TNFRSF21: variants seen among roughly 807,000 people sequenced by gnomAD.
TNFRSF21 encodes the protein TNF receptor superfamily member 21.
A neutral mutation model predicts 45.6 loss-of-function variants in TNFRSF21; 19 were observed. The observed-to-expected ratio is 0.42, with a 90% confidence interval of 0.29 to 0.61. The LOEUF (loss-of-function observed/expected upper bound fraction) is 0.61. Among genes scored for constraint, TNFRSF21 ranks in the 20% least tolerant of loss-of-function variants. TNFRSF21 has a pLI of 0.23. For missense variants in TNFRSF21, 737 were observed against 851.5 expected, an observed-to-expected ratio of 0.87 and a Z score of 1.67; for synonymous variants, 314 against 335.5, an observed-to-expected ratio of 0.94 and a Z score of 0.70.
At chr6:47,270,070 C>T (rs750977973) in intron 3 of TNFRSF21, among the ~76,000 whole-genome samples, 8 of 152,198 alleles carry the variant, frequency 5.3e-5, no homozygotes, top group Non-Finnish European at 1.2e-4. Flanking sequence ...GTGGTAAACA[C>T]ATAACTTAAG....
At chr6:47,296,321 T>G (rs1335775581) in intron 1 of TNFRSF21, among the ~76,000 whole-genome samples, 3 of 152,114 alleles carry the variant, frequency 2.0e-5, no homozygotes, top group Admixed American at 6.5e-5. Flanking sequence ...GTCTATAGTG[T>G]GCCGAGCAGC....
chr6:47,257,750 A>T (rs1765008785), intron 3 of TNFRSF21, among the ~76,000 whole-genome samples: 2 of 152,156 alleles, frequency 1.3e-5, no homozygotes, highest in African/African-American at 4.8e-5. Flanking sequence ...TTTGAGATTT[A>T]TTTTACTATT....
intron 4 of TNFRSF21, among the ~76,000 whole-genome samples, chr6:47,250,380 G>C (rs1215720920): frequency 6.6e-6 from 1 of 152,186 alleles, no homozygotes; most frequent in Non-Finnish European, 1.5e-5. Context: ...GTTCAGTTTA[G>C]ATATTGAACT....
chr6:47,240,146 T>G (rs1379285313), intron 4 of TNFRSF21, among the ~76,000 whole-genome samples: 1 of 152,124 alleles, frequency 6.6e-6, no homozygotes, highest in African/African-American at 2.4e-5. Context: ...AGGCCCCTTT[T>G]CCCTAATATA....
chr6:47,278,584 T>C (rs1762528591), intron 3 of TNFRSF21, among the ~76,000 whole-genome samples: 1 of 152,162 alleles, frequency 6.6e-6, no homozygotes, highest in African/African-American at 2.4e-5. Flanking sequence ...TCAAGCCCTA[T>C]TCCAGGCACA....
intron 1 of TNFRSF21, among the ~76,000 whole-genome samples, chr6:47,291,168 C>G (rs1762718883): frequency 6.6e-6 from 1 of 152,162 alleles, no homozygotes; most frequent in Non-Finnish European, 1.5e-5. Flanking sequence ...AAGTGTGAAG[C>G]AGAAGGAAGC....
At chr6:47,295,620 T>G (rs1320176586) in intron 1 of TNFRSF21, among the ~76,000 whole-genome samples, 1 of 152,198 alleles carries the variant, frequency 6.6e-6, no homozygotes, top group Non-Finnish European at 1.5e-5. Context: ...ATCATTTTAT[T>G]TTGAGCATCA....
rs1171947053 is a variant in TNFRSF21 at position 47,253,307 on chromosome 6, C to T, written c.1458G>A (p.Arg486=). The change falls in exon 4 of 6, where the codon CGG becomes CGA. Residue 486 remains arginine (R), a synonymous_variant. Coordinates refer to ENST00000296861, the MANE Select transcript of TNFRSF21 (RefSeq NM_014452.5). ...GAATCTTCTCCACAACATCGTTTCTCCGGTGCTGGCGCAGGGCGCTAATTA... is the reference window on the plus strand; with the variant it reads ...GAATCTTCTCCACAACATCGTTTCTTCGGTGCTGGCGCAGGGCGCTAATTA... ...AQLISALRQH[R]RNDVVEKIRG... The T allele has an allele frequency of 1.2e-6, 2 of 1,613,808 alleles. No individual in the cohort carries two copies. The highest frequency in any genetic ancestry group is 2.2e-5 in the East Asian group (1 of 44,862).
At chr6:47,294,188 G>A (rs1762765703) in intron 1 of TNFRSF21, among the ~76,000 whole-genome samples, 1 of 152,188 alleles carries the variant, frequency 6.6e-6, no homozygotes, top group African/African-American at 2.4e-5. Context: ...TCTGTCGCCA[G>A]GCTGGGGTGC....
At chr6:47,286,932 T>A (rs1012866619) in intron 1 of TNFRSF21, among the ~76,000 whole-genome samples, 5 of 152,190 alleles carry the variant, frequency 3.3e-5, no homozygotes, top group Non-Finnish European at 7.3e-5. Context: ...GTGAAAACAC[T>A]TTGTAGCTGA....
At chr6:47,301,850 C>G (rs2281444) in intron 1 of TNFRSF21, among the ~76,000 whole-genome samples, 20,703 of 152,162 alleles carry the variant, frequency 0.14, 1,594 homozygotes, top group Non-Finnish European at 0.17. Flanking sequence ...ATGACCCAGT[C>G]TTGGGTATTC....
intron 4 of TNFRSF21, among the ~76,000 whole-genome samples, chr6:47,242,161 A>C (rs1439226399): frequency 6.6e-6 from 1 of 152,072 alleles, no homozygotes; most frequent in Non-Finnish European, 1.5e-5. Flanking sequence ...AAACTCACCC[A>C]CCATCAGGGG....
At chr6:47,238,963 T>C (rs1374921880) in intron 4 of TNFRSF21, among the ~76,000 whole-genome samples, 1 of 152,150 alleles carries the variant, frequency 6.6e-6, no homozygotes, top group Non-Finnish European at 1.5e-5. Flanking sequence ...AAAACTGAAG[T>C]ACCCACTCTG....
intron 3 of TNFRSF21, among the ~76,000 whole-genome samples, chr6:47,263,898 G>C (rs1011195440): frequency 6.6e-6 from 1 of 152,108 alleles, no homozygotes; most frequent in Non-Finnish European, 1.5e-5. Context: ...TAGTTAAGAG[G>C]TTTTTTATAC....
intron 4 of TNFRSF21, 125 bp downstream of exon 4, chr6:47,253,113 TGTGTGTGCAGGCGTATGC>T: frequency 1.0e-6 from 1 of 984,022 alleles, no homozygotes; most frequent in Non-Finnish European, 1.5e-6. Context: ...GGTGTGTGTG[TGTGTGTGCAGGCGTATGC>T]GTGTGTGTGT....
At chr6:47,265,247 A>T (rs1762315779) in intron 3 of TNFRSF21, among the ~76,000 whole-genome samples, 1 of 152,214 alleles carries the variant, frequency 6.6e-6, no homozygotes, top group African/African-American at 2.4e-5. Flanking sequence ...TTTATGAACA[A>T]GTAGGATATC....
intron 3 of TNFRSF21, among the ~76,000 whole-genome samples, chr6:47,282,327 T>A (rs1420340209): frequency 6.8e-6 from 1 of 147,096 alleles, no homozygotes; most frequent in Non-Finnish European, 1.5e-5. Flanking sequence ...GAAGTTGTGG[T>A]GAGCTGAGAT....
At chr6:47,296,911 T>C (rs1021171665) in intron 1 of TNFRSF21, among the ~76,000 whole-genome samples, 3 of 152,218 alleles carry the variant, frequency 2.0e-5, no homozygotes, top group Admixed American at 2.0e-4. Flanking sequence ...AGTGTTTCCC[T>C]GAGTTCTGTG....
intron 4 of TNFRSF21, among the ~76,000 whole-genome samples, chr6:47,250,733 C>T (rs1764890157): frequency 6.6e-6 from 1 of 152,250 alleles, no homozygotes; most frequent in Non-Finnish European, 1.5e-5. Context: ...AATAAGGAGT[C>T]TCAATTAAGC....
Sources: allele counts gnomAD v4.1 joint callset (sites outside exome capture counted in the v4.1 genomes callset), GRCh38; gene constraint gnomAD v4.1.1; transcripts MANE v1.5; gene names NCBI Gene and HGNC (gene_info 2026-07-23, HGNC 2026-07-21).